STAG3: variants seen among roughly 807,000 people sequenced by gnomAD.
STAG3 encodes the protein STAG3 cohesin complex component.
A neutral mutation model predicts 160.7 loss-of-function variants in STAG3; 101 were observed. The ratio of observed to expected loss-of-function variants is 0.63; its 90% CI spans 0.54 to 0.74. The LOEUF (loss-of-function observed/expected upper bound fraction) is 0.74. Ranked by LOEUF, STAG3 falls within the 30% of genes least tolerant of loss-of-function variation. STAG3 has a pLI of 0.00. For missense variants in STAG3, 1,188 were observed against 1,517.4 expected, an observed-to-expected ratio of 0.78 and a Z score of 3.61; for synonymous variants, 519 against 585.0, an observed-to-expected ratio of 0.89 and a Z score of 1.63.
downstream of STAG3, chr7:100,218,528 T>A: frequency 3.5e-6 from 1 of 285,020 alleles, no homozygotes; most frequent in Non-Finnish European, 6.9e-6. Context: ...TTACCTTTTT[T>A]AACTTGCACT....
rs551346610 is a variant in STAG3, at chr7:100,189,299, A to C, written c.716-146A>C. The C allele has an allele frequency of 5.2e-5, 49 of 940,434 alleles. No homozygotes were observed. In the African/African-American group the frequency reaches 7.6e-4, roughly 15 times the overall value. 58.3% of individuals were successfully genotyped at this position (940,434 alleles called of 1,614,324 possible). Reference sequence around the variant, plus strand: ...GGGTTCGAGGGAAACAGTCCACTCCAGGACAGGCCGTCTTAGGATTTTAGG... The same window carrying C: ...GGGTTCGAGGGAAACAGTCCACTCCCGGACAGGCCGTCTTAGGATTTTAGG... On this transcript the variant is annotated intron_variant, in intron 7 of 33. Coordinates refer to ENST00000615138, the MANE Select transcript of STAG3 (RefSeq NM_001282717.2).
At chr7:100,215,137 C>T (rs2528899), downstream of STAG3, 1 of 152,182 alleles carries the variant, frequency 6.6e-6, no homozygotes, top group Non-Finnish European at 1.5e-5. Flanking sequence ...CTGTTTTCTT[C>T]TGTGGTTTAA....
At chr7:100,183,486 AT>A (rs1376621729) in intron 4 of STAG3, among the ~76,000 whole-genome samples, 6 of 152,156 alleles carry the variant, frequency 3.9e-5, no homozygotes, top group African/African-American at 1.2e-4. Flanking sequence ...ATACTTAATT[AT>A]TTTTTCCTTG....
At chr7:100,184,933 A>G (rs1038136017) in intron 4 of STAG3, among the ~76,000 whole-genome samples, 4 of 151,980 alleles carry the variant, frequency 2.6e-5, no homozygotes, top group Non-Finnish European at 4.4e-5. Context: ...TGAGCCACTC[A>G]TTTTCCCTGG....
At position 100,198,452 on chromosome 7, in the gene STAG3, T is replaced by C. The variant is rs1209974306; in HGVS notation, c.1245-23T>C. ...GAAGACAATGTCCCTATTCACATAC[T>C]CTTTCTGCTTTTCTGTGGGCAGGAA... On this transcript the variant is annotated intron_variant, in intron 12 of 33. Coordinates refer to ENST00000615138, the MANE Select transcript of STAG3 (RefSeq NM_001282717.2). The C allele has an allele frequency of 1.9e-6, 3 of 1,612,812 alleles. No homozygotes were observed. In the Admixed American group the frequency reaches 5.0e-5, roughly 27 times the overall value.
rs1032610030 is a variant in STAG3, at chr7:100,197,831, C to A, written c.1119C>A (p.Asn373Lys). The A allele has an allele frequency of 6.2e-7, 1 of 1,613,910 alleles. No individual in the cohort carries two copies. The highest frequency in any genetic ancestry group is 8.5e-7 in the Non-Finnish European group (1 of 1,179,986). The change falls in exon 11 of 34, where the codon AAC (asparagine) becomes AAA (lysine). Residue 373 changes from asparagine (N) to lysine (K), a missense_variant. By Grantham distance (94) the Asn-to-Lys change is moderately conservative (BLOSUM62 0). This residue lies in a region of STAG3 where 240 missense variants were observed against 358.1 expected (regional missense o/e 0.67). Coordinates refer to ENST00000615138, the MANE Select transcript of STAG3 (RefSeq NM_001282717.2). ...AGGCCCTGAAAGGGCTGTACGGTAACCGGGACCTGACCACACGCCTGGAGC... is the reference window on the plus strand; with the variant it reads ...AGGCCCTGAAAGGGCTGTACGGTAAACGGGACCTGACCACACGCCTGGAGC... ...CVKALKGLYG[N>K]RDLTTRLELF... is the part of the protein sequence containing the mutation.
At position 100,199,860 on chromosome 7, in the gene STAG3, C is replaced by G. The variant is rs551347291; in HGVS notation, c.1677+216C>G. ...CACGAGGTCAGGAGATCGAGACCAT[C>G]CTGGCTGACACAGTGAAACCCTGTC... is the stretch of plus-strand genomic sequence containing the variant. On this transcript the variant is annotated intron_variant, in intron 16 of 33. Transcript: ENST00000615138. 2.4e-3 allele frequency among the ~76,000 whole-genome samples: 354 copies of G among 150,482 alleles called. 3 individuals carry two copies. The highest frequency in any genetic ancestry group is 8.0e-3 in the African/African-American group (326 of 40,910).
At position 100,188,473 on chromosome 7, in the gene STAG3, T is replaced by G. The variant is rs761072993; in HGVS notation, c.454T>G (p.Phe152Val). The G allele has an allele frequency of 1.1e-5, 17 of 1,613,358 alleles. 1 individual carries two copies. In the South Asian group the frequency reaches 1.9e-4, roughly 18 times the overall value. ...GCKGIVTPEM[F>V]KKMSNSEIIQ... ...TTTAGGCATTGTGACCCCTGAGATG[T>G]TCAAGAAGATGTCCAACTCAGAGAT... The change falls in exon 6 of 34, where the codon TTC (phenylalanine) becomes GTC (valine). Residue 152 changes from phenylalanine (F) to valine (V), a missense_variant. This residue lies in a region of STAG3 where 296 missense variants were observed against 404.0 expected (regional missense o/e 0.73). Coordinates refer to ENST00000615138, the MANE Select transcript of STAG3 (RefSeq NM_001282717.2).
Position 100,201,968 on chromosome 7 carries a change from G to A in STAG3, c.2321G>A (p.Arg774Lys). Reference protein sequence around the residue: ...DASQKQLSSLRDRMVAFCELC... With the variant: ...DASQKQLSSLKDRMVAFCELC... ...CCACAGAAGCAGCTGTCGAGTTTGA[G>A]GGACAGAATGGTGGCCTTCTGTGAA... is the stretch of plus-strand genomic sequence containing the variant. Residue 774 changes from arginine (R) to lysine (K), a missense_variant, in exon 23 of 34, where the codon AGG (arginine) becomes AAG (lysine). Physicochemically the swap from Arg to Lys is conservative, Grantham distance 26 (BLOSUM62 2). Transcript: ENST00000615138. 6 of 1,614,172 alleles carry A rather than the reference G, an allele frequency of 3.7e-6. No individual in the cohort carries two copies. The highest frequency in any genetic ancestry group is 5.1e-6 in the Non-Finnish European group (6 of 1,180,030).
At chr7:100,195,520 G>C in intron 9 of STAG3, 138 bp downstream of exon 9, 1 of 717,788 alleles carries the variant, frequency 1.4e-6, no homozygotes, top group South Asian at 1.9e-5. Flanking sequence ...AAAAATTCTT[G>C]ACAACAAATG....
intron 16 of STAG3, among the ~76,000 whole-genome samples, 184 bp downstream of exon 16, chr7:100,199,828 G>A (rs945098849): frequency 2.9e-4 from 44 of 151,814 alleles, no homozygotes; most frequent in African/African-American, 9.2e-4. Flanking sequence ...GGCTGAGGCA[G>A]GCAGATCACG....
intron 29 of STAG3, 137 bp from the exon 30 acceptor site, chr7:100,210,874 C>A: frequency 2.2e-6 from 2 of 917,202 alleles, no homozygotes; most frequent in Non-Finnish European, 3.3e-6. Context: ...CATTTGAGGG[C>A]AACAGAATGA....
intron 6 of STAG3, 42 bp downstream of exon 6, chr7:100,188,571 A>G (rs1405323956): frequency 1.4e-6 from 2 of 1,413,432 alleles, no homozygotes; most frequent in South Asian, 1.1e-5. Context: ...CTCTTATTTC[A>G]AAACACAATG....
At chr7:100,195,710 A>G (rs563671288) in intron 9 of STAG3, among the ~76,000 whole-genome samples, 261 of 152,338 alleles carry the variant, frequency 1.7e-3, no homozygotes, top group African/African-American at 5.9e-3. Flanking sequence ...GAGAATAGAA[A>G]GGCGGGGCTT....
At position 100,198,488 on chromosome 7, in the gene STAG3, G is replaced by T. The variant is rs1800838977; in HGVS notation, c.1258G>T (p.Val420Leu). Residue 420 changes from valine (V) to leucine (L), a missense_variant, in exon 13 of 34, where the codon GTG (valine) becomes TTG (leucine). This residue lies in a region of STAG3 where 240 missense variants were observed against 358.1 expected (regional missense o/e 0.67). Transcript: ENST00000615138. ...TTCTGTGGGCAGGAACATGGAAGGGGTGCTGACGGACGCGGATTGTGAGAG... is the reference window on the plus strand; with the variant it reads ...TTCTGTGGGCAGGAACATGGAAGGGTTGCTGACGGACGCGGATTGTGAGAG... ...LILILKNMEG[V>L]LTDADCESVY... 3 of 1,614,238 alleles carry T rather than the reference G, an allele frequency of 1.9e-6. No individual in the cohort carries two copies. The highest frequency in any genetic ancestry group is 2.7e-5 in the African/African-American group (2 of 75,066).
intron 21 of STAG3, 94 bp from the exon 22 acceptor site, chr7:100,201,692 C>T (rs889635872): frequency 9.4e-7 from 1 of 1,060,742 alleles, no homozygotes; most frequent in African/African-American, 1.6e-5. Context: ...TCTCCCTTTA[C>T]TCATTTTCTC....
rs1801538751 is a variant in STAG3, at chr7:100,205,280, C to T, written c.3134C>T (p.Pro1045Leu). The change falls in exon 29 of 34, where the codon CCC becomes CTC. Residue 1045 changes from proline (P) to leucine (L), a missense_variant. Transcript: ENST00000615138. ...LQHVSQAPGH[P>L]WGPVTTYCHS... is the part of the protein sequence containing the mutation. ...CATGTCTCCCAGGCACCTGGCCATC[C>T]CTGGGGCCCAGTCACCACCTACTGC... 4.3e-6 allele frequency: 7 copies of T among 1,614,026 alleles called. No homozygotes were observed. Among genetic ancestry groups the T allele is most frequent in the Non-Finnish European group, 5.9e-6 (7 of 1,180,024 alleles).
At chr7:100,179,648 T>G (rs1799515118) in intron 1 of STAG3, among the ~76,000 whole-genome samples, 1 of 152,210 alleles carries the variant, frequency 6.6e-6, no homozygotes, top group Non-Finnish European at 1.5e-5. Context: ...CTTCCTCAGC[T>G]TTTGGAGAGC....
At position 100,186,242 on chromosome 7, in the gene STAG3, G is replaced by C. The variant is rs1425264544; in HGVS notation, c.379G>C (p.Asp127His). Residue 127 changes from aspartate to histidine, a missense_variant, in exon 5 of 34, where the codon GAT becomes CAT. Physicochemically the swap from Asp to His is moderately conservative, Grantham distance 81. Around this residue, in one of 4 missense-constraint regions of STAG3, gnomAD observed 296 missense variants for 404.0 expected, o/e 0.73. Transcript: ENST00000615138. Reference protein sequence around the residue: ...EWLDSYKQDQDAGFLELVNFF... With the variant: ...EWLDSYKQDQHAGFLELVNFF... The stretch of plus-strand genomic sequence containing the variant: ...GCTGGATAGCTACAAGCAAGACCAG[G>C]ATGCAGGATTTCTGGAGCTTGTTAA... The C allele has an allele frequency of 1.9e-6, 3 of 1,614,018 alleles. No individual in the cohort carries two copies. The highest frequency in any genetic ancestry group is 2.5e-6 in the Non-Finnish European group (3 of 1,180,022).
Sources: allele counts gnomAD v4.1 joint callset (sites outside exome capture counted in the v4.1 genomes callset), GRCh38; gene constraint gnomAD v4.1.1; regional missense constraint gnomAD v4.1.1; transcripts MANE v1.5; gene names NCBI Gene and HGNC (gene_info 2026-07-23, HGNC 2026-07-21).